ESRRB: variants seen among roughly 807,000 people sequenced by gnomAD.
ESRRB encodes the protein steroid hormone receptor ERR2.
Under a neutral mutation model 46.0 loss-of-function variants are expected in ESRRB, and 16 were observed. The observed-to-expected ratio is 0.35, with a 90% CI of 0.24 to 0.53. The LOEUF (loss-of-function observed/expected upper bound fraction) is 0.53, where lower values mean the gene tolerates loss of function less well. Ranked by LOEUF, ESRRB falls within the 20% of genes least tolerant of loss-of-function variation. The pLI is 0.93. For synonymous variants in ESRRB, 246 were observed against 259.6 expected (o/e 0.95, Z 0.50); for missense variants, 488 against 607.4 (o/e 0.80, Z 2.07).
rs988959419 is a variant in ESRRB at position 76,499,167 on chromosome 14, G to T, written c.*709G>T. Reference sequence around the variant, plus strand: ...CTTCTCCTCCCCCCGGGAGTCCCCCGCTACTTCCTGACCCTACCTCAGAGC... The same window carrying T: ...CTTCTCCTCCCCCCGGGAGTCCCCCTCTACTTCCTGACCCTACCTCAGAGC... On this transcript the variant is annotated 3_prime_UTR_variant, in exon 7 of 7. Coordinates refer to ENST00000644823, the MANE Select transcript of ESRRB (RefSeq NM_001379180.1). The T allele has an allele frequency of 7.8e-5, 24 of 305,948 alleles. No homozygotes were observed. The highest frequency in any genetic ancestry group is 4.9e-4 in the African/African-American group (22 of 45,328). The allele number at this position is 305,948 out of a possible 1,614,324, so 19.0% of individuals were successfully genotyped here.
chr14:76,339,315 A>G (rs754100072), intron 1 of ESRRB, among the ~76,000 whole-genome samples: 1 of 152,112 alleles, frequency 6.6e-6, no homozygotes, highest in Non-Finnish European at 1.5e-5. Context: ...CCATCTCCAT[A>G]ACGGGGATAC....
At chr14:76,468,665 T>C (rs1889232325) in intron 3 of ESRRB, among the ~76,000 whole-genome samples, 1 of 152,126 alleles carries the variant, frequency 6.6e-6, no homozygotes, top group African/African-American at 2.4e-5. Flanking sequence ...GCCAGTTACT[T>C]AAACCCCTGT....
intron 5 of ESRRB, among the ~76,000 whole-genome samples, chr14:76,485,626 TGAGAGAGAGA>T (rs151021182): frequency 0.61 from 87,173 of 143,934 alleles, 26,914 homozygotes; most frequent in Non-Finnish European, 0.71. Flanking sequence ...TCCCTATCCC[TGAGAGAGAGA>T]GAGAGAGAGA....
chr14:76,372,988 GT>G (rs1471420028), upstream of ESRRB, among the ~76,000 whole-genome samples: 1 of 152,198 alleles, frequency 6.6e-6, no homozygotes, highest in East Asian at 1.9e-4. Flanking sequence ...AATTTCCTTT[GT>G]CAAATCTGAT....
chr14:76,353,347 G>C lies in ESRRB; in HGVS notation c.2+42431G>C, dbSNP rs143274930. ...GTTGAAACCGATGGGCAGCTGAAAG[G>C]CCCTCATCTCTGCAAATCCGCCTGA... On this transcript the variant is annotated intron_variant, in intron 1 of 6. Transcript: ENST00000512784. 3.9e-3 allele frequency among the ~76,000 whole-genome samples: 594 copies of C among 152,208 alleles called. 5 individuals are homozygous for C. Among genetic ancestry groups the C allele is most frequent in the African/African-American group, 0.013 (551 of 41,522 alleles).
rs544909529 is a variant in ESRRB at position 76,448,925 on chromosome 14, CAT to C, written c.460+9178_460+9179del. Among the ~76,000 whole-genome samples, 100 of 151,130 alleles carry C rather than the reference CAT, an allele frequency of 6.6e-4. 1 individual carries two copies. Among genetic ancestry groups the C allele is most frequent in the African/African-American group, 2.4e-3 (96 of 40,472 alleles). ...ATTTTTGAAAAGTTGTTTTTCTACACATATTTTGTGAAGGAAGTCTTATCAAA... is the reference window on the plus strand; with the variant it reads ...ATTTTTGAAAAGTTGTTTTTCTACACATTTTGTGAAGGAAGTCTTATCAAA... On this transcript the variant is annotated intron_variant, in intron 2 of 6. Coordinates refer to ENST00000644823, the MANE Select transcript of ESRRB (RefSeq NM_001379180.1).
At chr14:76,461,216 CCT>C (rs1280002497) in intron 2 of ESRRB, among the ~76,000 whole-genome samples, 4 of 152,140 alleles carry the variant, frequency 2.6e-5, no homozygotes, top group Non-Finnish European at 5.9e-5. Context: ...CTAAATAAGA[CCT>C]CTGTGTTCAC....
chr14:76,322,654 T>A (rs1384058704), intron 1 of ESRRB, among the ~76,000 whole-genome samples: 1 of 152,200 alleles, frequency 6.6e-6, no homozygotes, highest in East Asian at 1.9e-4. Flanking sequence ...CTTAACCCCT[T>A]GGGGGACACG....
At chr14:76,378,294 G>A (rs1349968990) in intron 1 of ESRRB, among the ~76,000 whole-genome samples, 2 of 152,142 alleles carry the variant, frequency 1.3e-5, no homozygotes, top group Non-Finnish European at 2.9e-5. Context: ...GAGTGAGATG[G>A]AGGCTTTAAC....
chr14:76,422,367 C>T (rs571451788), intron 1 of ESRRB, among the ~76,000 whole-genome samples: 2 of 152,034 alleles, frequency 1.3e-5, no homozygotes, highest in Non-Finnish European at 2.9e-5. Context: ...CGTGCCACCA[C>T]ACCCAGCTAA....
intron 5 of ESRRB, 140 bp from the exon 6 acceptor site, chr14:76,491,307 C>A: frequency 1.3e-6 from 1 of 773,798 alleles, no homozygotes. Context: ...ACAGGGAAAG[C>A]CTGGGGGCAG....
intron 3 of ESRRB, among the ~76,000 whole-genome samples, chr14:76,478,350 C>T (rs1260149113): frequency 6.6e-6 from 1 of 152,150 alleles, no homozygotes; most frequent in Non-Finnish European, 1.5e-5. Context: ...AGGTCAGGCC[C>T]TATATCAGGA....
chr14:76,425,425 A>G (rs548095537), intron 1 of ESRRB, among the ~76,000 whole-genome samples: 2 of 152,214 alleles, frequency 1.3e-5, no homozygotes, highest in Admixed American at 1.3e-4. Context: ...GGACTCAAGC[A>G]TCGAATGGGG....
chr14:76,411,039 C>G (rs1183910179), intron 1 of ESRRB, among the ~76,000 whole-genome samples: 1 of 151,898 alleles, frequency 6.6e-6, no homozygotes, highest in South Asian at 2.1e-4. Flanking sequence ...CTGCTTCAGC[C>G]TCCCAAAGTG....
chr14:76,467,840 C>T (rs56109091), intron 3 of ESRRB, among the ~76,000 whole-genome samples: 9,276 of 152,224 alleles, frequency 0.061, 288 homozygotes, highest in Middle Eastern at 0.075. Flanking sequence ...TCTCTCTAGA[C>T]AGCCTGTCCC....
chr14:76,405,389 G>T (rs1886139493), intron 1 of ESRRB, among the ~76,000 whole-genome samples: 1 of 152,164 alleles, frequency 6.6e-6, no homozygotes, highest in South Asian at 2.1e-4. Flanking sequence ...TGGGGTTACA[G>T]GTGTGAGCCA....
chr14:76,418,762 C>A (rs930384875), intron 1 of ESRRB, among the ~76,000 whole-genome samples: 19 of 152,060 alleles, frequency 1.2e-4, no homozygotes, highest in African/African-American at 4.6e-4. Context: ...ATTACGGGTG[C>A]CTGCCACCAT....
At position 76,337,881 on chromosome 14, in the gene ESRRB, C is replaced by T. The variant is rs558882151; in HGVS notation, c.2+26965C>T. 7.2e-5 allele frequency among the ~76,000 whole-genome samples: 11 copies of T among 152,322 alleles called. No individual in the cohort carries two copies. The East Asian group carries it at 9.7e-4, about 13-fold the overall frequency. On this transcript the variant is annotated intron_variant, in intron 1 of 6. Coordinates refer to the ESRRB transcript ENST00000512784. ...TAGGGTTTTGTGTGGACACAAGCTC[C>T]GGGGCTGCAGCTGTCTTGCCCGATG...
At chr14:76,342,991 A>T (rs1420709330) in intron 1 of ESRRB, among the ~76,000 whole-genome samples, 1 of 152,184 alleles carries the variant, frequency 6.6e-6, no homozygotes, top group East Asian at 1.9e-4. Context: ...GAACAAGGTG[A>T]TGGAGTGGAC....
Sources: allele counts gnomAD v4.1 joint callset (sites outside exome capture counted in the v4.1 genomes callset), GRCh38; gene constraint gnomAD v4.1.1; transcripts MANE v1.5; gene names NCBI Gene and HGNC (gene_info 2026-07-23, HGNC 2026-07-21).